The following SHLD2 variants were observed in gnomAD, a reference collection of about 807,000 sequenced individuals.
SHLD2 encodes the protein shieldin complex subunit 2, also known as RINN1-REV7-interacting novel NHEJ regulator 2.
In SHLD2, 30 loss-of-function variants were observed where a neutral mutation model predicts 73.2. The ratio of observed to expected loss-of-function variants is 0.41; its 90% CI spans 0.31 to 0.56. SHLD2 has a LOEUF of 0.56. SHLD2 is among the 20% of genes least tolerant of loss of function. SHLD2 has a pLI of 0.28. For missense variants in SHLD2, 745 were observed against 1,055.9 expected, an observed-to-expected ratio of 0.71 and a Z score of 4.08; for synonymous variants, 285 against 370.1, an observed-to-expected ratio of 0.77 and a Z score of 2.64.
intron 4 of SHLD2, among the ~76,000 whole-genome samples, chr10:87,165,117 G>GAGT: frequency 6.6e-6 from 1 of 152,114 alleles, no homozygotes; most frequent in East Asian, 1.9e-4. Context: ...ATCCCAGGAG[G>GAGT]TTGAGGCTGC....
rs1849027077 is a variant in SHLD2 at position 87,190,880 on chromosome 10, T to C, written c.*197T>C. 3 of 591,302 alleles carry C rather than the reference T, an allele frequency of 5.1e-6. No individual in the cohort carries two copies. Among genetic ancestry groups the C allele is most frequent in the Non-Finnish European group, 8.9e-6 (3 of 336,402 alleles). 36.6% of individuals were successfully genotyped at this position (591,302 alleles called of 1,614,324 possible). ...GTTTAAAAAGATTGTTTTTGTCTTT[T>C]GGTTTCTTACTTTCTCCTGGAGAAA... On this transcript the variant is annotated 3_prime_UTR_variant, in exon 10 of 10. Transcript: ENST00000298786.
chr10:87,129,759 T>TAC (rs1844295610), intron 2 of SHLD2, among the ~76,000 whole-genome samples: 1 of 151,766 alleles, frequency 6.6e-6, no homozygotes. Flanking sequence ...TAGCTGGTAC[T>TAC]ACAGGCCTGC....
intron 2 of SHLD2, among the ~76,000 whole-genome samples, chr10:87,131,691 G>T (rs925073674): frequency 7.2e-5 from 11 of 151,994 alleles, no homozygotes; most frequent in Non-Finnish European, 1.6e-4. Flanking sequence ...ACAATTTTTT[G>T]GGGTGAACAT....
At chr10:87,099,615 C>A (rs376280919) in intron 2 of SHLD2, among the ~76,000 whole-genome samples, 1 of 152,184 alleles carries the variant, frequency 6.6e-6, no homozygotes, top group Non-Finnish European at 1.5e-5. Flanking sequence ...AATGATGCTG[C>A]GGTGAACTTT....
intron 4 of SHLD2, among the ~76,000 whole-genome samples, chr10:87,163,961 CTTTT>C (rs201405790): frequency 8.5e-6 from 1 of 117,906 alleles, no homozygotes; most frequent in Non-Finnish European, 1.8e-5. Flanking sequence ...CTTTTCTTTT[CTTTT>C]TTTTTTTTTT....
chr10:87,163,295 G>T (rs1442344554), intron 4 of SHLD2, among the ~76,000 whole-genome samples: 2 of 152,174 alleles, frequency 1.3e-5, no homozygotes, highest in Non-Finnish European at 1.5e-5. Flanking sequence ...GAAAGAAAAT[G>T]CAGGAAGGAT....
chr10:87,095,823 T>C (rs978173791), intron 1 of SHLD2, among the ~76,000 whole-genome samples: 1 of 152,120 alleles, frequency 6.6e-6, no homozygotes, highest in African/African-American at 2.4e-5. Flanking sequence ...CCTAGCACTT[T>C]GGGAGGTCGA....
chr10:87,172,058 T>G (rs1455010703), intron 6 of SHLD2, among the ~76,000 whole-genome samples: 6 of 152,204 alleles, frequency 3.9e-5, no homozygotes, highest in Non-Finnish European at 7.3e-5. Context: ...GAAGAGAAAT[T>G]ACAGTTGTCT....
At chr10:87,157,945 G>T in intron 3 of SHLD2, 103 bp from the exon 4 acceptor site, 1 of 880,330 alleles carries the variant, frequency 1.1e-6, no homozygotes, top group South Asian at 2.0e-5. Flanking sequence ...ATCTCTACTT[G>T]CTTGGTATAT....
intron 2 of SHLD2, among the ~76,000 whole-genome samples, chr10:87,113,025 G>T (rs973572584): frequency 6.6e-6 from 1 of 152,048 alleles, no homozygotes; most frequent in African/African-American, 2.4e-5. Context: ...CTGATGAATG[G>T]ATAAACAATA....
intron 2 of SHLD2, among the ~76,000 whole-genome samples, chr10:87,137,370 G>C (rs1306684118): frequency 6.6e-6 from 1 of 151,268 alleles, no homozygotes; most frequent in Non-Finnish European, 1.5e-5. Flanking sequence ...AACAAAAAAA[G>C]GAAAGAAAAG....
chr10:87,167,388 T>A (rs1166338902), intron 4 of SHLD2, among the ~76,000 whole-genome samples: 1 of 152,230 alleles, frequency 6.6e-6, no homozygotes, highest in African/African-American at 2.4e-5. Context: ...AAGTTTTTTA[T>A]TGATGTAGGG....
intron 6 of SHLD2, among the ~76,000 whole-genome samples, chr10:87,172,210 C>A (rs1297227570): frequency 6.6e-6 from 1 of 152,126 alleles, no homozygotes; most frequent in Non-Finnish European, 1.5e-5. Flanking sequence ...TACTTCAATA[C>A]CTCACATCAG....
At chr10:87,115,960 C>T (rs2134038099) in intron 2 of SHLD2, among the ~76,000 whole-genome samples, 1 of 152,210 alleles carries the variant, frequency 6.6e-6, no homozygotes, top group Admixed American at 6.5e-5. Flanking sequence ...ATCATTTTAT[C>T]TGAAGTTCTT....
chr10:87,151,658 A>G lies in SHLD2; in HGVS notation c.304A>G (p.Ile102Val), dbSNP rs768089724. The G allele has an allele frequency of 8.7e-6, 14 of 1,611,740 alleles. No homozygotes were observed. The highest frequency in any genetic ancestry group is 1.7e-5 in the Admixed American group (1 of 59,988). Residue 102 changes from isoleucine to valine, a missense_variant, in exon 3 of 10, where the codon ATA becomes GTA. By Grantham distance (29) the Ile-to-Val change is conservative (BLOSUM62 3). This residue lies in a region of SHLD2 where 280 missense variants were observed against 353.9 expected (regional missense o/e 0.79). Coordinates refer to ENST00000298786, the MANE Select transcript of SHLD2 (RefSeq NM_001330112.2). ...ACGTTCTGTTTCTGAAACACAGAAT[A>G]TAGAATCCCAGAAGATTCACTCCTC... ...FVRSVSETQNIESQKIHSSRL... is the reference protein window; with the variant it reads ...FVRSVSETQNVESQKIHSSRL...
At chr10:87,184,802 C>T (rs1848516075) in intron 8 of SHLD2, among the ~76,000 whole-genome samples, 1 of 152,164 alleles carries the variant, frequency 6.6e-6, no homozygotes, top group African/African-American at 2.4e-5. Context: ...AGATTAAATG[C>T]TGCTTTATCA....
At chr10:87,189,641 G>A (rs541443487) in intron 9 of SHLD2, among the ~76,000 whole-genome samples, 31 of 152,264 alleles carry the variant, frequency 2.0e-4, no homozygotes, top group African/African-American at 7.0e-4. Context: ...ATTGTCAAGG[G>A]GTTAGTACGG....
intron 2 of SHLD2, among the ~76,000 whole-genome samples, chr10:87,143,967 G>A (rs1175756388): frequency 2.6e-5 from 4 of 151,018 alleles, no homozygotes; most frequent in Non-Finnish European, 4.4e-5. Flanking sequence ...GGGTTCAAGC[G>A]ATTCTCCTGC....
At chr10:87,171,236 G>T (rs1847575711) in intron 6 of SHLD2, among the ~76,000 whole-genome samples, 1 of 152,128 alleles carries the variant, frequency 6.6e-6, no homozygotes, top group African/African-American at 2.4e-5. Context: ...CCCTTTTAGT[G>T]AAGATCTTAC....
Sources: gnomAD v4.1 joint callset for allele counts (sites outside exome capture counted in the v4.1 genomes callset) on GRCh38, gnomAD v4.1.1 for gene constraint, gnomAD v4.1.1 regional missense constraint, MANE v1.5 for transcripts, NCBI Gene and HGNC (gene_info 2026-07-23, HGNC 2026-07-21) for gene names.